Variants in RASIP1 observed in about 807,000 individuals in gnomAD.
RASIP1 encodes ras-interacting protein 1.
RASIP1 carries 20 observed loss-of-function variants against 85.3 expected under a neutral mutation model. That is an observed-to-expected ratio of 0.23 (90% confidence interval 0.17 to 0.34). RASIP1 has a LOEUF of 0.34. Ranked by LOEUF, RASIP1 falls within the 10% of genes least tolerant of loss-of-function variation. The pLI is 1.00. For synonymous variants in RASIP1, 617 were observed against 647.1 expected (o/e 0.95, Z 0.71); for missense variants, 1,170 against 1,390.9 (o/e 0.84, Z 2.53).
intron 4 of RASIP1, among the ~76,000 whole-genome samples, chr19:48,732,405 G>A (rs769713225): frequency 1.3e-5 from 2 of 151,862 alleles, no homozygotes; most frequent in South Asian, 2.1e-4. Context: ...ACACGTGCCC[G>A]CCACCACGCC....
intron 4 of RASIP1, among the ~76,000 whole-genome samples, chr19:48,732,814 C>A (rs2033487846): frequency 6.6e-6 from 1 of 152,180 alleles, no homozygotes. Context: ...TACCTTCTCA[C>A]CCATATACAC....
At chr19:48,725,379 G>A (rs1419950692) in intron 8 of RASIP1, 1 of 169,492 alleles carries the variant, frequency 5.9e-6, no homozygotes, top group Admixed American at 5.7e-5. Flanking sequence ...GTCAGAAACA[G>A]AAGAAATAAA....
Position 48,739,526 on chromosome 19 carries a change from G to A in RASIP1, c.257C>T (p.Ala86Val). ...CCGGAAGAGCTGGGAGATGCGCTTGGCGCGGCTACCGGAGGCTCCCCCGGC... is the reference window on the plus strand; with the variant it reads ...CCGGAAGAGCTGGGAGATGCGCTTGACGCGGCTACCGGAGGCTCCCCCGGC... ...KAAGGASGSRAKRISQLFRGS... is the reference protein window; with the variant it reads ...KAAGGASGSRVKRISQLFRGS... Residue 86 changes from alanine to valine, a missense_variant, in exon 3 of 12, where the codon GCC becomes GTC. Around this residue, in one of 4 missense-constraint regions of RASIP1, gnomAD observed 299 missense variants for 394.4 expected, o/e 0.76. Coordinates refer to ENST00000222145, the MANE Select transcript of RASIP1 (RefSeq NM_017805.3). This position sits in a 1 kb window ranked among gnomAD's most constrained non-coding sequence, Gnocchi z 9.2. 6.6e-7 allele frequency: 1 copy of A among 1,516,500 alleles called. No individual in the cohort carries two copies. The highest frequency in any genetic ancestry group is 8.8e-7 in the Non-Finnish European group (1 of 1,137,274). 93.9% of individuals were successfully genotyped at this position (1,516,500 alleles called of 1,614,324 possible). A position where few individuals can be genotyped will look rare whatever the true frequency, so the allele number is the denominator to read the frequency against.
intron 10 of RASIP1, among the ~76,000 whole-genome samples, chr19:48,722,270 T>C (rs547836173): frequency 3.7e-4 from 56 of 151,634 alleles, no homozygotes; most frequent in African/African-American, 1.3e-3. Context: ...CATTCGTTTA[T>C]ATTATTGAAT....
rs1437418216 is a variant in RASIP1 at position 48,720,904 on chromosome 19, G to A, written c.2786C>T (p.Ala929Val). 2 of 1,613,898 alleles carry A rather than the reference G, an allele frequency of 1.2e-6. No individual in the cohort carries two copies. Among genetic ancestry groups the A allele is most frequent in the Admixed American group, 1.7e-5 (1 of 60,030 alleles). The change falls in exon 12 of 12, where the codon GCC becomes GTC. Residue 929 changes from alanine to valine, a missense_variant. This residue lies in a region of RASIP1 where 144 missense variants were observed against 125.5 expected (regional missense o/e 1.15). Transcript: ENST00000222145. ...GAGCCTACGGAGTTCACGGTGCAAG[G>A]CATCGTCCGTCACTGGACCAGTGAG... The part of the protein sequence containing the change: ...LRLTGPVTDD[A>V]LHRELRRLRR...
intron 8 of RASIP1, among the ~76,000 whole-genome samples, chr19:48,726,281 G>T (rs985506216): frequency 3.3e-5 from 5 of 151,064 alleles, no homozygotes; most frequent in Non-Finnish European, 5.9e-5. Flanking sequence ...GAATGCAGTG[G>T]CATGAAGTAA....
rs1049293508 is a variant in RASIP1, at chr19:48,738,801, T to G, written c.823+159A>C. The G allele has an allele frequency of 1.1e-6, 1 of 946,070 alleles. No individual in the cohort carries two copies. Among genetic ancestry groups the G allele is most frequent in the Non-Finnish European group, 1.3e-6 (1 of 743,518 alleles). 58.6% of individuals were successfully genotyped at this position (946,070 alleles called of 1,614,324 possible). A position where few individuals can be genotyped will look rare whatever the true frequency, so the allele number is the denominator to read the frequency against. On this transcript the variant is annotated intron_variant, in intron 3 of 11. Coordinates refer to ENST00000222145, the MANE Select transcript of RASIP1 (RefSeq NM_017805.3). This position sits in a 1 kb window ranked among gnomAD's most constrained non-coding sequence, Gnocchi z 4.0. The stretch of plus-strand genomic sequence containing the variant: ...CCCCCGGCCCTGCTCTAGCTCTGCC[T>G]AGAGTCCAACACGCACCGTCCAGTC...
Position 48,740,257 on chromosome 19 carries a change from C to A in RASIP1, c.26G>T (p.Gly9Val). The change falls in exon 2 of 12, where the codon GGC (glycine) becomes GTC (valine). Residue 9 changes from glycine (G) to valine (V), a missense_variant. By Grantham distance (109) the Gly-to-Val change is moderately radical (BLOSUM62 -3). Coordinates refer to ENST00000222145, the MANE Select transcript of RASIP1 (RefSeq NM_017805.3). This position sits in a 1 kb window ranked among gnomAD's most constrained non-coding sequence, Gnocchi z 5.5. MLSGERKE[G>V]GSPRFGKLHL... ...AAGCTTCCCGAAGCGGGGGCTTCCGCCCTCCTTCCGTTCACCAGACAGCAT... is the reference window on the plus strand; with the variant it reads ...AAGCTTCCCGAAGCGGGGGCTTCCGACCTCCTTCCGTTCACCAGACAGCAT... 3.1e-6 allele frequency: 5 copies of A among 1,588,850 alleles called. No individual in the cohort carries two copies. The highest frequency in any genetic ancestry group is 4.3e-6 in the Non-Finnish European group (5 of 1,170,300).
Position 48,724,279 on chromosome 19 carries a change from GC to G in RASIP1, c.2544+57del. ...GACGGTGAGCTGAATATAGAAGGTG[GC>G]TGAGGGGGGTTGAGGAGTCAGAGGT... On this transcript the variant is annotated intron_variant, in intron 10 of 11. Transcript: ENST00000222145. The surrounding 1 kb of genome is among the most constrained non-coding windows in gnomAD (Gnocchi z 4.6). The G allele has an allele frequency of 1.3e-6, 2 of 1,549,404 alleles. No individual in the cohort carries two copies. The highest frequency in any genetic ancestry group is 3.5e-5 in the Admixed American group (2 of 56,422).
chr19:48,725,829 T>G (rs1488023040), intron 8 of RASIP1, among the ~76,000 whole-genome samples: 1 of 152,166 alleles, frequency 6.6e-6, no homozygotes, highest in Non-Finnish European at 1.5e-5. Context: ...AAGAGTAGAC[T>G]TAGAAAGTGG....
intron 11 of RASIP1, 102 bp downstream of exon 11, chr19:48,721,752 A>G: frequency 5.0e-6 from 7 of 1,404,138 alleles, no homozygotes; most frequent in Non-Finnish European, 6.7e-6. Flanking sequence ...GCAGTGAGCC[A>G]AGATCGCGCC....
chr19:48,735,212 C>T lies in RASIP1; in HGVS notation c.1163G>A (p.Gly388Asp). ...GGCGGTTACCTGGGCGTCCTGGTAG[C>T]CCTGGAGCAGCAGGAAGTAGGGGCG... ...SNRPYFLLLQGYQDAQDFVVY... is the reference protein window; with the variant it reads ...SNRPYFLLLQDYQDAQDFVVY... Residue 388 changes from glycine (G) to aspartate (D), a missense_variant, in exon 4 of 12, where the codon GGC becomes GAC. Physicochemically the swap from Gly to Asp is moderately conservative, Grantham distance 94. Around this residue, in one of 4 missense-constraint regions of RASIP1, gnomAD observed 301 missense variants for 294.8 expected, o/e 1.02. Transcript: ENST00000222145. The T allele has an allele frequency of 1.2e-6, 2 of 1,611,176 alleles. No individual in the cohort carries two copies. The highest frequency in any genetic ancestry group is 1.7e-6 in the Non-Finnish European group (2 of 1,178,192).
At chr19:48,722,649 G>A (rs1354983319) in intron 10 of RASIP1, among the ~76,000 whole-genome samples, 1 of 152,102 alleles carries the variant, frequency 6.6e-6, no homozygotes, top group African/African-American at 2.4e-5. Context: ...TACACCTGAT[G>A]TAGCTGACGT....
At chr19:48,731,529 C>A (rs1314531392) in intron 4 of RASIP1, among the ~76,000 whole-genome samples, 1 of 152,132 alleles carries the variant, frequency 6.6e-6, no homozygotes. Context: ...TGGAGTGTTC[C>A]ATCTCATTTA....
chr19:48,735,859 G>T (rs2033561036), intron 3 of RASIP1, among the ~76,000 whole-genome samples: 2 of 150,862 alleles, frequency 1.3e-5, no homozygotes, highest in South Asian at 2.1e-4. Flanking sequence ...GCAGTGGCAC[G>T]ATCTCGGCTC....
In RASIP1 at chr19:48,724,623, A is replaced by G. The variant is rs1411838378; in HGVS notation, c.2371+94T>C. ...CTGGAGCTTGTTCTCCAGGGTACCC[A>G]AAGGTGAGGCTTGAGCCCGTGGTGT... On this transcript the variant is annotated intron_variant, in intron 9 of 11. Coordinates refer to ENST00000222145, the MANE Select transcript of RASIP1 (RefSeq NM_017805.3). The surrounding 1 kb of genome is among the most constrained non-coding windows in gnomAD (Gnocchi z 4.6). The G allele has an allele frequency of 6.3e-7, 1 of 1,578,712 alleles. No individual in the cohort carries two copies. The highest frequency in any genetic ancestry group is 2.2e-5 in the East Asian group (1 of 44,532).
Position 48,729,209 on chromosome 19 carries a change from G to A in RASIP1, c.1561C>T (p.Arg521Cys). 4 of 1,351,532 alleles carry A rather than the reference G, an allele frequency of 3.0e-6. No homozygotes were observed. The South Asian group carries it at 5.1e-5, about 17-fold the overall frequency. The allele number at this position is 1,351,532 out of a possible 1,614,324, so 83.7% of individuals were successfully genotyped here. The change falls in exon 5 of 12, where the codon CGC (arginine) becomes TGC (cysteine). Residue 521 changes from arginine to cysteine, a missense_variant. Physicochemically the swap from Arg to Cys is radical, Grantham distance 180 (BLOSUM62 -3). This residue lies in a region of RASIP1 where 426 missense variants were observed against 576.2 expected (regional missense o/e 0.74). Transcript: ENST00000222145. ...TCCTGCAGGCCGCGGCCGCACAGGCGACAGGAGAAGGCCCAGCCAGGGCCT... is the reference window on the plus strand; with the variant it reads ...TCCTGCAGGCCGCGGCCGCACAGGCAACAGGAGAAGGCCCAGCCAGGGCCT... The part of the protein sequence containing the change: ...PPGPGWAFSC[R>C]LCGRGLQERG...
intron 11 of RASIP1, 58 bp from the exon 12 acceptor site, chr19:48,721,055 C>T: frequency 7.1e-7 from 1 of 1,401,614 alleles, no homozygotes; most frequent in Non-Finnish European, 9.6e-7. Context: ...GTAGTTGCAT[C>T]GGGAAGAGCC....
At chr19:48,734,957 C>T (rs868515374) in intron 4 of RASIP1, among the ~76,000 whole-genome samples, 1 of 152,194 alleles carries the variant, frequency 6.6e-6, no homozygotes, top group South Asian at 2.1e-4. Flanking sequence ...GAAGACAGTG[C>T]TTTCCTCCAA....
Sources: gnomAD v4.1 joint callset for allele counts (sites outside exome capture counted in the v4.1 genomes callset) on GRCh38, gnomAD v4.1.1 for gene constraint, gnomAD v4.1.1 regional missense constraint, Gnocchi (gnomAD v3.1) non-coding constraint, MANE v1.5 for transcripts, NCBI Gene and HGNC (gene_info 2026-07-23, HGNC 2026-07-21) for gene names.